GPS2: variants seen among roughly 807,000 people sequenced by gnomAD.
GPS2 encodes the protein GPS-2.
GPS2 carries 22 observed loss-of-function variants against 48.1 expected under a neutral mutation model. The ratio of observed to expected loss-of-function variants is 0.46; its 90% CI spans 0.33 to 0.65. GPS2 has a LOEUF of 0.65. GPS2 is among the 30% of genes least tolerant of loss of function. The pLI is 0.03. For missense variants in GPS2, 366 were observed against 406.8 expected (o/e 0.90, Z 0.86); for synonymous variants, 202 against 142.5 (o/e 1.42, Z -2.98).
Position 7,314,645 on chromosome 17 carries a change from T to C in GPS2, c.95-48A>G, listed in dbSNP as rs370780819. 4.8e-5 allele frequency: 77 copies of C among 1,612,264 alleles called. No individual in the cohort carries two copies. The African/African-American group carries it at 8.7e-4, about 18-fold the overall frequency. On this transcript the variant is annotated intron_variant, in intron 2 of 10. Transcript: ENST00000380728. ...GAAGAGGCAGGGTAGTGAAAACAAT[T>C]CCAACGTTACAGATTGAAGACCAGC...
In GPS2 at chr17:7,312,804, C is replaced by T. The variant is rs764351211; in HGVS notation, c.936G>A (p.Arg312=). 3.7e-6 allele frequency: 6 copies of T among 1,614,012 alleles called. No individual in the cohort carries two copies. The highest frequency in any genetic ancestry group is 5.1e-6 in the Non-Finnish European group (6 of 1,179,980). ...TCTGGCTGTGTTGGATGAAGGGGAGCCGAGGGCCAGGTTGGCTGGTAGCTG... is the reference window on the plus strand; with the variant it reads ...TCTGGCTGTGTTGGATGAAGGGGAGTCGAGGGCCAGGTTGGCTGGTAGCTG... ...GFAATSQPGP[R]LPFIQHSQNP... Residue 312 remains arginine, a synonymous_variant, in exon 11 of 11, where the codon CGG becomes CGA. Transcript: ENST00000380728.
intron 10 of GPS2, 68 bp from the exon 11 acceptor site, chr17:7,312,907 G>C (rs1191347755): frequency 1.3e-6 from 2 of 1,507,200 alleles, no homozygotes; most frequent in African/African-American, 2.8e-5. Context: ...ATACCCTACT[G>C]ATAACCACCC....
In GPS2 at chr17:7,313,177, T is replaced by C. The variant is rs1430879562; in HGVS notation, c.804+35A>G. ...GCATACTGAAGCTCCCCTTAACATA[T>C]CCCTAACCCTGACCTCCCAAGGTGC... On this transcript the variant is annotated intron_variant, in intron 9 of 10. Transcript: ENST00000380728. The C allele has an allele frequency of 3.1e-6, 5 of 1,610,106 alleles. 1 individual carries two copies. Among genetic ancestry groups the C allele is most frequent in the South Asian group, 2.2e-5 (2 of 91,010 alleles).
intron 6 of GPS2, 38 bp downstream of exon 6, chr17:7,313,867 TG>T (rs1422227649): frequency 6.3e-7 from 1 of 1,587,954 alleles, no homozygotes; most frequent in Admixed American, 1.7e-5. Context: ...GATGCATGGA[TG>T]GAAGTACTAG....
rs768065711 is a variant in GPS2, at chr17:7,314,517, T to G, written c.175A>C (p.Arg59=). The G allele has an allele frequency of 1.9e-6, 3 of 1,614,020 alleles. No individual in the cohort carries two copies. The Admixed American group carries it at 5.0e-5, about 27-fold the overall frequency. The change falls in exon 3 of 11, where the codon AGA becomes CGA. Residue 59 remains arginine (R), a synonymous_variant. Coordinates refer to ENST00000380728, the MANE Select transcript of GPS2 (RefSeq NM_004489.5). ...TCCTTGGTCTCCTCTAATGACATTCTCTCTTCCATCTCCTTTTTCTTCCTT... is the reference window on the plus strand; with the variant it reads ...TCCTTGGTCTCCTCTAATGACATTCGCTCTTCCATCTCCTTTTTCTTCCTT... ...ERRKKKEMEE[R]MSLEETKEQI...
In GPS2 at chr17:7,312,962, C is replaced by T. The variant is rs552362278; in HGVS notation, c.900+67G>A. The T allele has an allele frequency of 4.8e-6, 7 of 1,469,434 alleles. No homozygotes were observed. The South Asian group carries it at 4.8e-5, about 10-fold the overall frequency. 91.0% of individuals were successfully genotyped at this position (1,469,434 alleles called of 1,614,324 possible). A position where few individuals can be genotyped will look rare whatever the true frequency, so the allele number is the denominator to read the frequency against. On this transcript the variant is annotated intron_variant, in intron 10 of 10. Coordinates refer to ENST00000380728, the MANE Select transcript of GPS2 (RefSeq NM_004489.5). The stretch of plus-strand genomic sequence containing the variant: ...CAGATGATGTGGGCCACCTGTCCTA[C>T]CTAATCCTGCTTTTCCGGATCCCTA...
In GPS2 at chr17:7,314,563, C is replaced by T. The variant is rs755684619; in HGVS notation, c.129G>A (p.Lys43=). Residue 43 remains lysine, a synonymous_variant, in exon 3 of 11, where the codon AAG becomes AAA. Transcript: ENST00000380728. ...EEEVDKMMEQ[K]MKEEQERRKK... ...TCCTTCTCTCCTGTTCTTCCTTCATCTTCTGTTCCATCATCTTATCCACCT... is the reference window on the plus strand; with the variant it reads ...TCCTTCTCTCCTGTTCTTCCTTCATTTTCTGTTCCATCATCTTATCCACCT... 8.2e-5 allele frequency: 132 copies of T among 1,613,664 alleles called. No individual in the cohort carries two copies. Among genetic ancestry groups the T allele is most frequent in the East Asian group, 2.0e-4 (9 of 44,892 alleles).
In GPS2 at chr17:7,314,340, G is replaced by A. The variant is rs2072908331; in HGVS notation, c.268C>T (p.Leu90Phe). 1 of 1,614,034 alleles carries A rather than the reference G, an allele frequency of 6.2e-7. No individual in the cohort carries two copies. The highest frequency in any genetic ancestry group is 1.3e-5 in the African/African-American group (1 of 74,902). The change falls in exon 4 of 11, where the codon CTC becomes TTC. Residue 90 changes from leucine (L) to phenylalanine (F), a missense_variant. Around this residue, in one of 3 missense-constraint regions of GPS2, gnomAD observed 3 missense variants for 17.2 expected, o/e 0.17. Coordinates refer to ENST00000380728, the MANE Select transcript of GPS2 (RefSeq NM_004489.5). ...TCTTCCTCATGTAAAACTTTCTTGA[G>A]CTGCAGGAAAAGCTGGTGCTTCTCT... ...QEEKHQLFLQ[L>F]KKVLHEEEKR... is the part of the protein sequence containing the mutation.
chr17:7,315,035 C>T lies in GPS2; in HGVS notation c.18G>A (p.Glu6=), dbSNP rs147873069. 3.1e-3 allele frequency: 4,898 copies of T among 1,602,118 alleles called. 23 individuals carry two copies. Among genetic ancestry groups the T allele is most frequent in the Middle Eastern group, 0.011 (54 of 5,104 alleles). Residue 6 remains glutamate (E), a synonymous_variant, in exon 2 of 11, where the codon GAG becomes GAA. Transcript: ENST00000380728. ...CCATGGCGTTGGAAAGCTTGGGGCG[C>T]TCCAGGAGTGCGGGCATGGTGCTGC... MPALL[E]RPKLSNAMAR... is the part of the protein sequence containing the mutation.
chr17:7,313,623 G>T lies in GPS2; in HGVS notation c.579C>A (p.Pro193=), dbSNP rs748017048. The T allele has an allele frequency of 5.0e-6, 8 of 1,614,002 alleles. No individual in the cohort carries two copies. In the Admixed American group the frequency reaches 1.3e-4, roughly 27 times the overall value. The change falls in exon 7 of 11, where the codon CCC becomes CCA. Residue 193 remains proline, a synonymous_variant. Coordinates refer to ENST00000380728, the MANE Select transcript of GPS2 (RefSeq NM_004489.5). ...SPGGAYGTAQ[P]PPHYGPTQPA... ...GCTGTGTGGGCCCATAGTGAGGTGGGGGCTGAGCAGTCCCATAGGCACCAC... is the reference window on the plus strand; with the variant it reads ...GCTGTGTGGGCCCATAGTGAGGTGGTGGCTGAGCAGTCCCATAGGCACCAC...
At position 7,313,657 on chromosome 17, in the gene GPS2, C is replaced by T; in HGVS notation, c.545G>A (p.Gly182Asp). 6.2e-7 allele frequency: 1 copy of T among 1,614,150 alleles called. No individual in the cohort carries two copies. The highest frequency in any genetic ancestry group is 8.5e-7 in the Non-Finnish European group (1 of 1,180,018). Residue 182 changes from glycine (G) to aspartate (D), a missense_variant, in exon 7 of 11, where the codon GGC becomes GAC. Physicochemically the swap from Gly to Asp is moderately conservative, Grantham distance 94 (BLOSUM62 -1). Transcript: ENST00000380728. ...AGTCCCATAGGCACCACCAGGACTG[C>T]CTTGGAATTGTCCATGCTCTGGTGT... ...AGTPEHGQFQ[G>D]SPGGAYGTAQ...
intron 2 of GPS2, 25 bp from the exon 3 acceptor site, chr17:7,314,622 A>G (rs761225504): frequency 2.5e-6 from 4 of 1,613,926 alleles, no homozygotes; most frequent in Admixed American, 3.3e-5. Context: ...AGAATGAAGA[A>G]GAGGCAGGGT....
chr17:7,315,215 G>C (rs2072922930), intron 1 of GPS2, 96 bp from the exon 2 acceptor site: 2 of 388,044 alleles, frequency 5.2e-6, no homozygotes, highest in East Asian at 8.4e-5. Context: ...TGTCCCAGGA[G>C]CCCGCCACCC....
In GPS2 at chr17:7,314,410, T is replaced by G. The variant is rs992593737; in HGVS notation, c.205-7A>C. 1 of 1,613,952 alleles carries G rather than the reference T, an allele frequency of 6.2e-7. No individual in the cohort carries two copies. Among genetic ancestry groups the G allele is most frequent in the Non-Finnish European group, 8.5e-7 (1 of 1,179,978 alleles). On this transcript the variant is annotated splice_region_variant and splice_polypyrimidine_tract_variant and intron_variant, in intron 3 of 10. Coordinates refer to ENST00000380728, the MANE Select transcript of GPS2 (RefSeq NM_004489.5). ...TCTCCTCCAACTTCAGAATCTGGGA[T>G]GGGGTGGGAAAAGAAGATGAAGGCA...
chr17:7,313,554 C>T lies in GPS2; in HGVS notation c.634+14G>A, dbSNP rs952073744. ...CCTTGAGGAAGGCCAAGCCCCATCCCTCCTATTACTCACCTCTGAGCTGCT... is the reference window on the plus strand; with the variant it reads ...CCTTGAGGAAGGCCAAGCCCCATCCTTCCTATTACTCACCTCTGAGCTGCT... On this transcript the variant is annotated intron_variant, in intron 7 of 10. Transcript: ENST00000380728. 3 of 1,613,538 alleles carry T rather than the reference C, an allele frequency of 1.9e-6. No individual in the cohort carries two copies. In the South Asian group the frequency reaches 3.3e-5, roughly 18 times the overall value.
rs776473038 is a variant in GPS2, at chr17:7,312,766, T to A, written c.974A>T (p.Tyr325Phe). 2 of 1,613,650 alleles carry A rather than the reference T, an allele frequency of 1.2e-6. No individual in the cohort carries two copies. Among genetic ancestry groups the A allele is most frequent in the South Asian group, 2.2e-5 (2 of 91,072 alleles). ...FIQHSQNPRF[Y>F]HK ...GATATAATCTGATGGTCACTTGTGG[T>A]AGAATCGCGGGTTCTGGCTGTGTTG... The change falls in exon 11 of 11, where the codon TAC (tyrosine) becomes TTC (phenylalanine). Residue 325 changes from tyrosine to phenylalanine, a missense_variant. By Grantham distance (22) the Tyr-to-Phe change is conservative. Coordinates refer to ENST00000380728, the MANE Select transcript of GPS2 (RefSeq NM_004489.5).
At position 7,314,590 on chromosome 17, in the gene GPS2, T is replaced by C; in HGVS notation, c.102A>G (p.Glu34=). The stretch of plus-strand genomic sequence containing the variant: ...TCTGTTCCATCATCTTATCCACCTC[T>C]TCTTCCTCTGGAGAATCAGGCAGAA... ...MERERKRQEE[E]EVDKMMEQKM... Residue 34 remains glutamate, a synonymous_variant, in exon 3 of 11, where the codon GAA becomes GAG. Coordinates refer to ENST00000380728, the MANE Select transcript of GPS2 (RefSeq NM_004489.5). 1.2e-6 allele frequency: 2 copies of C among 1,614,116 alleles called. No individual in the cohort carries two copies. Among genetic ancestry groups the C allele is most frequent in the Non-Finnish European group, 1.7e-6 (2 of 1,179,970 alleles).
At position 7,312,761 on chromosome 17, in the gene GPS2, TGTG is replaced by T. The variant is rs770259226; in HGVS notation, c.976_978del (p.His326del). Reference sequence around the variant, plus strand: ...TTGAAGATATAATCTGATGGTCACTTGTGGTAGAATCGCGGGTTCTGGCTGTGT... The same window carrying T: ...TTGAAGATATAATCTGATGGTCACTTGTAGAATCGCGGGTTCTGGCTGTGT... On this transcript the variant is annotated inframe_deletion, in exon 11 of 11. Coordinates refer to ENST00000380728, the MANE Select transcript of GPS2 (RefSeq NM_004489.5). The T allele has an allele frequency of 9.9e-6, 16 of 1,613,056 alleles. No homozygotes were observed. The highest frequency in any genetic ancestry group is 3.3e-5 in the Admixed American group (2 of 60,006).
intron 10 of GPS2, 40 bp downstream of exon 10, chr17:7,312,989 T>C (rs755820287): frequency 2.0e-6 from 3 of 1,472,992 alleles, no homozygotes; most frequent in African/African-American, 1.4e-5. Context: ...GGATCCCTAG[T>C]GTAGGGATTC....
Sources: gnomAD v4.1 joint callset for allele counts on GRCh38, gnomAD v4.1.1 for gene constraint, gnomAD v4.1.1 regional missense constraint, MANE v1.5 for transcripts, NCBI Gene and HGNC (gene_info 2026-07-23, HGNC 2026-07-21) for gene names.